Variants in ESRRG observed in about 807,000 individuals in gnomAD.
The protein encoded by ESRRG is estrogen related receptor gamma.
Under a neutral mutation model 44.0 loss-of-function variants are expected in ESRRG, and 13 were observed. The observed-to-expected ratio is 0.30, with a 90% CI of 0.19 to 0.47. The LOEUF is 0.47. ESRRG is among the 20% of genes least tolerant of loss of function. The pLI is 1.00. For synonymous variants in ESRRG, 215 were observed against 214.6 expected (o/e 1.00, Z -0.02); for missense variants, 395 against 580.6 (o/e 0.68, Z 3.29).
At chr1:216,930,344 A>G (rs915375995) in intron 2 of ESRRG, among the ~76,000 whole-genome samples, 7 of 152,180 alleles carry the variant, frequency 4.6e-5, no homozygotes, top group African/African-American at 1.7e-4. Flanking sequence ...CATGAATACC[A>G]GGTGATCCAT....
intron 5 of ESRRG, among the ~76,000 whole-genome samples, chr1:216,557,182 G>GTC (rs1011442355): frequency 2.0e-5 from 3 of 152,100 alleles, no homozygotes; most frequent in Non-Finnish European, 4.4e-5. Context: ...ATACACTCTT[G>GTC]TCCAAACATC....
intron 2 of ESRRG, among the ~76,000 whole-genome samples, chr1:216,918,411 G>A (rs1278352498): frequency 6.6e-6 from 1 of 152,096 alleles, no homozygotes; most frequent in African/African-American, 2.4e-5. Context: ...CTGGTGTGGG[G>A]AAAATAAGCC....
intron 1 of ESRRG, among the ~76,000 whole-genome samples, chr1:216,944,650 GA>G (rs1401967053): frequency 3.3e-5 from 5 of 152,124 alleles, no homozygotes; most frequent in Non-Finnish European, 5.9e-5. Context: ...TAAGGAAAGG[GA>G]AGTCCTGTAA....
rs988262401 is a variant in ESRRG, at chr1:216,975,474, T to A, written c.-105-35801A>T. On this transcript the variant is annotated intron_variant, in intron 1 of 7. Coordinates refer to the ESRRG transcript ENST00000359162. ...GTAACAGGAGCCATAAATTCTTCTA[T>A]CATGATGCAGTTGCCCTGCCAATTT... Among the ~76,000 whole-genome samples, 16 of 152,312 alleles carry A rather than the reference T, an allele frequency of 1.1e-4. No individual in the cohort carries two copies. The South Asian group carries it at 3.3e-3, about 32-fold the overall frequency.
In ESRRG at chr1:216,820,698, A is replaced by G. The variant is rs2095267060; in HGVS notation, c.-14+118884T>C. On this transcript the variant is annotated intron_variant, in intron 2 of 7. Transcript: ENST00000359162. ...TTGGCTAAAGCCTCTAACAAACAATACATTGCTTTGCAATTAGCCACCCGT... is the reference window on the plus strand; with the variant it reads ...TTGGCTAAAGCCTCTAACAAACAATGCATTGCTTTGCAATTAGCCACCCGT... Among the ~76,000 whole-genome samples, 5 of 152,366 alleles carry G rather than the reference A, an allele frequency of 3.3e-5. No individual in the cohort carries two copies. In the South Asian group the frequency reaches 1.0e-3, roughly 32 times the overall value.
chr1:216,618,315 C>T (rs1464266661), intron 3 of ESRRG, among the ~76,000 whole-genome samples: 4 of 152,164 alleles, frequency 2.6e-5, no homozygotes, highest in Non-Finnish European at 4.4e-5. Flanking sequence ...ATTCACACTG[C>T]CTTTTTGGAC....
chr1:216,670,071 C>A (rs2074848823), intron 2 of ESRRG, among the ~76,000 whole-genome samples: 1 of 152,086 alleles, frequency 6.6e-6, no homozygotes, highest in Admixed American at 6.6e-5. Flanking sequence ...TTAAAGCTAC[C>A]AATTACTATA....
intron 2 of ESRRG, among the ~76,000 whole-genome samples, chr1:216,748,687 T>C (rs2091688771): frequency 6.6e-6 from 1 of 152,148 alleles, no homozygotes; most frequent in African/African-American, 2.4e-5. Flanking sequence ...CATCCCTGTG[T>C]TTATAAAGTG....
chr1:216,798,874 C>G (rs1353141489), intron 2 of ESRRG, among the ~76,000 whole-genome samples: 1 of 152,078 alleles, frequency 6.6e-6, no homozygotes, highest in Non-Finnish European at 1.5e-5. Context: ...AGCATTTAAA[C>G]CACTGCTTGA....
intron 2 of ESRRG, among the ~76,000 whole-genome samples, chr1:216,901,300 G>A (rs181956730): frequency 3.9e-5 from 6 of 152,096 alleles, no homozygotes; most frequent in South Asian, 4.2e-4. Context: ...TGACATATAG[G>A]ACACTAGATC....
At chr1:216,984,057 G>T (rs796633970) in intron 1 of ESRRG, among the ~76,000 whole-genome samples, 4 of 145,710 alleles carry the variant, frequency 2.7e-5, no homozygotes, top group Admixed American at 6.9e-5. Flanking sequence ...ATGGGGGGGG[G>T]TATGTGGAGG....
chr1:217,133,490 G>T (rs2092993986), intron 1 of ESRRG, among the ~76,000 whole-genome samples: 1 of 152,256 alleles, frequency 6.6e-6, no homozygotes. Flanking sequence ...TGGGGATGGG[G>T]TATCTAAATG....
chr1:216,758,202 T>C (rs2092570975), intron 2 of ESRRG, among the ~76,000 whole-genome samples: 1 of 152,102 alleles, frequency 6.6e-6, no homozygotes, highest in African/African-American at 2.4e-5. Context: ...TGTAAGAGCC[T>C]CAAAATGAAG....
At position 216,923,505 on chromosome 1, in the gene ESRRG, C is replaced by A. The variant is rs376108225; in HGVS notation, c.-14+16077G>T. ...TGTGGGAAAGGATTAGAAATGAGAA[C>A]CATGGTGCCTGTTACTCCATAGTTC... is the stretch of plus-strand genomic sequence containing the variant. On this transcript the variant is annotated intron_variant, in intron 2 of 7. Coordinates refer to the ESRRG transcript ENST00000359162. Among the ~76,000 whole-genome samples the A allele has an allele frequency of 3.2e-3, 494 of 152,100 alleles. 2 individuals are homozygous for A. Among genetic ancestry groups the A allele is most frequent in the African/African-American group, 0.011 (449 of 41,508 alleles).
At chr1:216,740,574 T>C (rs1363072863) in intron 2 of ESRRG, among the ~76,000 whole-genome samples, 2 of 152,052 alleles carry the variant, frequency 1.3e-5, no homozygotes, top group East Asian at 3.9e-4. Flanking sequence ...AGGCCTTTTT[T>C]GTTCAATTTT....
chr1:216,891,548 G>C (rs996936153), intron 2 of ESRRG, among the ~76,000 whole-genome samples: 1 of 152,158 alleles, frequency 6.6e-6, no homozygotes, highest in African/African-American at 2.4e-5. Context: ...CTTTTGTCTT[G>C]AGAAACTACA....
chr1:216,519,447 G>A, intron 5 of ESRRG, 26 bp from the exon 6 acceptor site: 2 of 1,584,014 alleles, frequency 1.3e-6, no homozygotes, highest in East Asian at 4.5e-5. Context: ...GGCAGATCAA[G>A]TTACTTTAAA....
At chr1:216,528,503 T>A (rs2048349029) in intron 5 of ESRRG, among the ~76,000 whole-genome samples, 1 of 152,232 alleles carries the variant, frequency 6.6e-6, no homozygotes, top group African/African-American at 2.4e-5. Flanking sequence ...ACAATTATTT[T>A]GACAATATGT....
intron 3 of ESRRG, among the ~76,000 whole-genome samples, chr1:216,591,709 C>G (rs2057697708): frequency 1.3e-5 from 2 of 152,026 alleles, no homozygotes; most frequent in Non-Finnish European, 2.9e-5. Context: ...GGGGATGTGT[C>G]AATAAGTCAC....
Sources: allele counts gnomAD v4.1 joint callset (sites outside exome capture counted in the v4.1 genomes callset), GRCh38; gene constraint gnomAD v4.1.1; transcripts MANE v1.5; gene names NCBI Gene and HGNC (gene_info 2026-07-23, HGNC 2026-07-21).